Variants in CMTM7 observed in about 807,000 individuals in gnomAD.
The protein encoded by CMTM7 is CKLF like MARVEL transmembrane domain containing 7.
CMTM7 carries 7 observed loss-of-function variants against 19.3 expected under a neutral mutation model. That is an observed-to-expected ratio of 0.36 (90% confidence interval 0.21 to 0.68). CMTM7 has a LOEUF of 0.68. CMTM7 is among the 30% of genes least tolerant of loss of function. The pLI is 0.60. For missense variants in CMTM7, 193 were observed against 232.6 expected, an observed-to-expected ratio of 0.83 and a Z score of 1.11; for synonymous variants, 87 against 99.3, an observed-to-expected ratio of 0.88 and a Z score of 0.74.
At position 32,449,618 on chromosome 3, in the gene CMTM7, G is replaced by A; in HGVS notation, c.432+66G>A. ...TTAAAATGCTCATTTTCTTCCTGAT[G>A]GGGGAAGAGAAGGGCTTGGTTTCTG... On this transcript the variant is annotated intron_variant, in intron 3 of 4. Coordinates refer to ENST00000334983, the MANE Select transcript of CMTM7 (RefSeq NM_138410.4). The surrounding 1 kb of genome is among the most constrained non-coding windows in gnomAD (Gnocchi z 4.5). The A allele has an allele frequency of 7.9e-7, 1 of 1,260,080 alleles. No individual in the cohort carries two copies. Among genetic ancestry groups the A allele is most frequent in the African/African-American group, 1.5e-5 (1 of 67,962 alleles). The allele number at this position is 1,260,080 out of a possible 1,614,324, so 78.1% of individuals were successfully genotyped here. A position where few individuals can be genotyped will look rare whatever the true frequency, so the allele number is the denominator to read the frequency against.
At position 32,440,026 on chromosome 3, in the gene CMTM7, A is replaced by C. The variant is rs563691269; in HGVS notation, c.160-1814A>C. ...CAAATGTCCCATAGGACACAAAATCATATACCCATACGCTAACACACCCAT... is the reference window on the plus strand; with the variant it reads ...CAAATGTCCCATAGGACACAAAATCCTATACCCATACGCTAACACACCCAT... On this transcript the variant is annotated intron_variant, in intron 1 of 4. Transcript: ENST00000334983. Among the ~76,000 whole-genome samples, 3 of 152,188 alleles carry C rather than the reference A, an allele frequency of 2.0e-5. No individual in the cohort carries two copies. The South Asian group carries it at 6.2e-4, about 32-fold the overall frequency.
At chr3:32,396,678 G>C (rs1695923975) in intron 1 of CMTM7, among the ~76,000 whole-genome samples, 1 of 152,200 alleles carries the variant, frequency 6.6e-6, no homozygotes, top group Non-Finnish European at 1.5e-5. Flanking sequence ...TGCAGCCACT[G>C]GGTGTGGGGA....
intron 1 of CMTM7, among the ~76,000 whole-genome samples, chr3:32,399,741 C>T (rs1321243931): frequency 6.6e-6 from 1 of 152,178 alleles, no homozygotes; most frequent in African/African-American, 2.4e-5. Flanking sequence ...TGTCCTACTT[C>T]CTGGAAGTTG....
intron 1 of CMTM7, among the ~76,000 whole-genome samples, chr3:32,435,595 T>G (rs1195468415): frequency 6.6e-6 from 1 of 152,160 alleles, no homozygotes; most frequent in Admixed American, 6.5e-5. Context: ...CATTTTTGGT[T>G]GTTGTAAGTG....
intron 1 of CMTM7, among the ~76,000 whole-genome samples, chr3:32,401,793 C>T (rs957081280): frequency 2.6e-5 from 4 of 152,230 alleles, no homozygotes; most frequent in African/African-American, 9.6e-5. Flanking sequence ...CTCGCGGCGT[C>T]CGCGGCGACT....
intron 1 of CMTM7, among the ~76,000 whole-genome samples, chr3:32,427,435 G>C (rs906965073): frequency 6.6e-6 from 1 of 152,176 alleles, no homozygotes; most frequent in Non-Finnish European, 1.5e-5. Context: ...AGAAAGGGTG[G>C]GCGGGAGAGG....
At chr3:32,402,055 T>C (rs774815570) in intron 1 of CMTM7, among the ~76,000 whole-genome samples, 1 of 152,212 alleles carries the variant, frequency 6.6e-6, no homozygotes, top group Non-Finnish European at 1.5e-5. Context: ...CTGAGCCCGC[T>C]CTCTTTAGTT....
rs1696801426 is a variant in CMTM7 at position 32,449,646 on chromosome 3, G to T, written c.432+94G>T. ...GGAAGAGAAGGGCTTGGTTTCTGGGGCATTCCCTTCATAGAATCAATACCT... is the reference window on the plus strand; with the variant it reads ...GGAAGAGAAGGGCTTGGTTTCTGGGTCATTCCCTTCATAGAATCAATACCT... On this transcript the variant is annotated intron_variant, in intron 3 of 4. Transcript: ENST00000334983. The surrounding 1 kb of genome is among the most constrained non-coding windows in gnomAD (Gnocchi z 4.5). 5 of 971,856 alleles carry T rather than the reference G, an allele frequency of 5.1e-6. No individual in the cohort carries two copies. In the South Asian group the frequency reaches 6.5e-5, roughly 13 times the overall value. 60.2% of individuals were successfully genotyped at this position (971,856 alleles called of 1,614,324 possible).
intron 1 of CMTM7, among the ~76,000 whole-genome samples, chr3:32,393,791 A>AG (rs71068045): frequency 1.3e-5 from 2 of 148,614 alleles, no homozygotes; most frequent in East Asian, 4.0e-4. Flanking sequence ...AAAAAAAAAA[A>AG]GGTACAAAGA....
At chr3:32,434,658 C>T (rs1012270329) in intron 1 of CMTM7, among the ~76,000 whole-genome samples, 3 of 148,836 alleles carry the variant, frequency 2.0e-5, no homozygotes, top group African/African-American at 7.5e-5. Flanking sequence ...ACACAAAACC[C>T]AGAAACTATA....
At chr3:32,416,361 A>ATTTTTTTTTTT (rs58085712) in intron 1 of CMTM7, among the ~76,000 whole-genome samples, 13 of 72,422 alleles carry the variant, frequency 1.8e-4, no homozygotes, top group South Asian at 4.7e-4. Flanking sequence ...ATCCGGGCTA[A>ATTTTTTTTTTT]TTTTTTTTTT....
intron 1 of CMTM7, among the ~76,000 whole-genome samples, chr3:32,434,601 CTTTTCTT>C (rs1696568841): frequency 6.9e-5 from 2 of 28,964 alleles, no homozygotes; most frequent in African/African-American, 8.9e-5. Context: ...TGCCTCTTTT[CTTTTCTT>C]TTTTTTTTTT....
intron 4 of CMTM7, 125 bp from the exon 5 acceptor site, chr3:32,454,116 A>C: frequency 9.8e-7 from 1 of 1,018,514 alleles, no homozygotes; most frequent in Non-Finnish European, 1.5e-6. Flanking sequence ...TCTCAGTGCA[A>C]GTCGGCACTG....
At position 32,449,655 on chromosome 3, in the gene CMTM7, T is replaced by C; in HGVS notation, c.432+103T>C. Reference sequence around the variant, plus strand: ...GGGCTTGGTTTCTGGGGCATTCCCTTCATAGAATCAATACCTACCTTGATC... The same window carrying C: ...GGGCTTGGTTTCTGGGGCATTCCCTCCATAGAATCAATACCTACCTTGATC... On this transcript the variant is annotated intron_variant, in intron 3 of 4. Coordinates refer to ENST00000334983, the MANE Select transcript of CMTM7 (RefSeq NM_138410.4). This position sits in a 1 kb window ranked among gnomAD's most constrained non-coding sequence, Gnocchi z 4.5. 2.3e-6 allele frequency: 2 copies of C among 878,496 alleles called. No individual in the cohort carries two copies. The highest frequency in any genetic ancestry group is 2.7e-5 in the South Asian group (2 of 73,904). The allele number at this position is 878,496 out of a possible 1,614,324, so 54.4% of individuals were successfully genotyped here. A position where few individuals can be genotyped will look rare whatever the true frequency, so the allele number is the denominator to read the frequency against.
At chr3:32,422,123 G>T (rs1421711518) in intron 1 of CMTM7, among the ~76,000 whole-genome samples, 2 of 152,218 alleles carry the variant, frequency 1.3e-5, no homozygotes, top group Admixed American at 6.5e-5. Context: ...AGGCCCCACA[G>T]GGCACAACGT....
chr3:32,420,855 C>G (rs1696332835), intron 1 of CMTM7, among the ~76,000 whole-genome samples: 1 of 152,178 alleles, frequency 6.6e-6, no homozygotes, highest in South Asian at 2.1e-4. Flanking sequence ...TTGCTTGACT[C>G]AGCGGTTTAG....
intron 1 of CMTM7, among the ~76,000 whole-genome samples, chr3:32,416,344 C>T (rs1575113953): frequency 1.4e-5 from 2 of 143,838 alleles, no homozygotes; most frequent in Non-Finnish European, 3.0e-5. Context: ...TACAGACGTG[C>T]GCCACCATCC....
Position 32,449,603 on chromosome 3 carries a change from C to G in CMTM7, c.432+51C>G, listed in dbSNP as rs1055953649. On this transcript the variant is annotated intron_variant, in intron 3 of 4. Coordinates refer to ENST00000334983, the MANE Select transcript of CMTM7 (RefSeq NM_138410.4). This position sits in a 1 kb window ranked among gnomAD's most constrained non-coding sequence, Gnocchi z 4.5. ...GGAATGAATTCTTATTTAAAATGCT[C>G]ATTTTCTTCCTGATGGGGGAAGAGA... is the stretch of plus-strand genomic sequence containing the variant. The G allele has an allele frequency of 5.1e-6, 7 of 1,375,628 alleles. No individual in the cohort carries two copies. In the African/African-American group the frequency reaches 1.0e-4, roughly 20 times the overall value. The allele number at this position is 1,375,628 out of a possible 1,614,324, so 85.2% of individuals were successfully genotyped here. A position where few individuals can be genotyped will look rare whatever the true frequency, so the allele number is the denominator to read the frequency against.
At chr3:32,431,929 C>CA (rs1326569961) in intron 1 of CMTM7, among the ~76,000 whole-genome samples, 6 of 152,210 alleles carry the variant, frequency 3.9e-5, no homozygotes, top group Non-Finnish European at 8.8e-5. Context: ...GCCAGGAGTT[C>CA]AAGACCAGCC....
Sources: allele counts gnomAD v4.1 joint callset (sites outside exome capture counted in the v4.1 genomes callset), GRCh38; gene constraint gnomAD v4.1.1; non-coding constraint Gnocchi (gnomAD v3.1); transcripts MANE v1.5; gene names NCBI Gene and HGNC (gene_info 2026-07-23, HGNC 2026-07-21).